TUBA3E: variants seen among roughly 807,000 people sequenced by gnomAD.
The protein encoded by TUBA3E is tubulin alpha-3E chain.
In TUBA3E, 21 loss-of-function variants were observed where a neutral mutation model predicts 36.7. That is an observed-to-expected ratio of 0.57 (90% CI 0.41 to 0.83). The LOEUF is 0.83. Among genes scored for constraint, TUBA3E ranks in the 40% least tolerant of loss-of-function variants. TUBA3E has a pLI of 0.00. For synonymous variants in TUBA3E, 177 were observed against 241.9 expected, an observed-to-expected ratio of 0.73 and a Z score of 2.49; for missense variants, 469 against 604.2, an observed-to-expected ratio of 0.78 and a Z score of 2.35.
At chr2:130,196,059 A>T in intron 2 of TUBA3E, 90 bp downstream of exon 2, 3 of 1,326,788 alleles carry the variant, frequency 2.3e-6, no homozygotes, top group Non-Finnish European at 3.1e-6. Context: ...CCATCCTTTC[A>T]GCAGGAGGAT....
intron 2 of TUBA3E, 34 bp downstream of exon 2, chr2:130,196,115 C>T (rs542213001): frequency 6.3e-7 from 1 of 1,576,504 alleles, no homozygotes; most frequent in South Asian, 1.2e-5. Flanking sequence ...CCCACCCTCT[C>T]AGGAAAGCTG....
At position 130,193,256 on chromosome 2, in the gene TUBA3E, T is replaced by A. The variant is rs903846430; in HGVS notation, c.1056+530A>T. Among the ~76,000 whole-genome samples, 8 of 150,520 alleles carry A rather than the reference T, an allele frequency of 5.3e-5. No homozygotes were observed. In the East Asian group the frequency reaches 5.9e-4, roughly 11 times the overall value. ...CAAAGCGAGACCCTGTCTCAAAAAA[T>A]AAATAAATAAATAAAGCTCACCACA... On this transcript the variant is annotated intron_variant, in intron 4 of 4. Coordinates refer to ENST00000312988, the MANE Select transcript of TUBA3E (RefSeq NM_207312.3).
intron 1 of TUBA3E, 44 bp downstream of exon 1, chr2:130,198,314 C>T (rs1690462337): frequency 1.5e-6 from 2 of 1,352,192 alleles, no homozygotes; most frequent in Non-Finnish European, 1.0e-6. Context: ...AGGCCAACTT[C>T]GTCTGCCTGG....
rs1690329138 is a variant in TUBA3E at position 130,193,777 on chromosome 2, C to G, written c.1056+9G>C. On this transcript the variant is annotated intron_variant, in intron 4 of 4. Coordinates refer to ENST00000312988, the MANE Select transcript of TUBA3E (RefSeq NM_207312.3). ...CTTGCTGAAAGGCCTCCATGTCACC[C>G]AGTCATACCTTAAATCCAGTCGGGC... 1 of 1,594,216 alleles carries G rather than the reference C, an allele frequency of 6.3e-7. No homozygotes were observed. The highest frequency in any genetic ancestry group is 1.3e-5 in the African/African-American group (1 of 74,728).
rs368062201 is a variant in TUBA3E, at chr2:130,194,325, G to T, written c.517C>A (p.Pro173Thr). The T allele has an allele frequency of 8.3e-5, 134 of 1,612,952 alleles. No individual in the cohort carries two copies. The African/African-American group carries it at 1.4e-3, about 17-fold the overall frequency. ...ACGGCTGTGGAGACCTGGGGGGCTG[G>T]GTAAATGGCAAACTCTAGCTTGGAC... ...KKSKLEFAIY[P>T]APQVSTAVVE... Residue 173 changes from proline to threonine, a missense_variant, in exon 4 of 5, where the codon CCA (proline) becomes ACA (threonine). Pro to Thr is a conservative substitution (Grantham distance 38). This residue lies in a region of TUBA3E where 169 missense variants were observed against 239.0 expected (regional missense o/e 0.71). Coordinates refer to ENST00000312988, the MANE Select transcript of TUBA3E (RefSeq NM_207312.3).
chr2:130,195,027 G>C, intron 3 of TUBA3E, 52 bp downstream of exon 3: 1 of 1,601,362 alleles, frequency 6.2e-7, no homozygotes, highest in Non-Finnish European at 8.5e-7. Flanking sequence ...CACATTCCAA[G>C]AACTACCCCT....
At chr2:130,196,621 T>C (rs951024591) in intron 1 of TUBA3E, among the ~76,000 whole-genome samples, 5 of 152,224 alleles carry the variant, frequency 3.3e-5, no homozygotes, top group Non-Finnish European at 5.9e-5. Context: ...ACTTAGGTTA[T>C]TTTAAAACTT....
Position 130,194,973 on chromosome 2 carries a change from C to T in TUBA3E, c.375+106G>A, listed in dbSNP as rs866424776. On this transcript the variant is annotated intron_variant, in intron 3 of 4. Transcript: ENST00000312988. ...GATTACACGTGTGAGCCACCGCGCCCGGCCAAGATGCTGGTCTAAGTGTTG... is the reference window on the plus strand; with the variant it reads ...GATTACACGTGTGAGCCACCGCGCCTGGCCAAGATGCTGGTCTAAGTGTTG... The T allele has an allele frequency of 1.2e-4, 192 of 1,550,808 alleles. 1 individual carries two copies. In the Middle Eastern group the frequency reaches 3.1e-3, roughly 25 times the overall value.
chr2:130,196,578 A>C (rs1056345387), intron 1 of TUBA3E, among the ~76,000 whole-genome samples: 1 of 152,260 alleles, frequency 6.6e-6, no homozygotes, highest in African/African-American at 2.4e-5. Flanking sequence ...AAGTTCTAGA[A>C]GTAGCCCTAG....
In TUBA3E at chr2:130,193,888, C is replaced by T. The variant is rs1395884095; in HGVS notation, c.954G>A (p.Leu318=). The change falls in exon 4 of 5, where the codon TTG becomes TTA. Residue 318 remains leucine, a synonymous_variant. Transcript: ENST00000312988. The part of the protein sequence containing the change: ...RHGKYMACCM[L]YRGDVVPKDV... ...CTTTGGGGACCACGTCCCCCCTGTA[C>T]AACATGCAGCAGGCCATGTACTTGC... 1 of 1,614,238 alleles carries T rather than the reference C, an allele frequency of 6.2e-7. No individual in the cohort carries two copies. The highest frequency in any genetic ancestry group is 1.3e-5 in the African/African-American group (1 of 75,074).
In TUBA3E at chr2:130,195,228, C is replaced by T. The variant is rs771795997; in HGVS notation, c.227-1G>A. Reference sequence around the variant, plus strand: ...CTGTAGGTCCCTGTGCGCACTTCATCTGCAAAAGAGACAGTGTGTACTGTG... The same window carrying T: ...CTGTAGGTCCCTGTGCGCACTTCATTTGCAAAAGAGACAGTGTGTACTGTG... On this transcript the variant is annotated splice_acceptor_variant, in intron 2 of 4. Coordinates refer to ENST00000312988, the MANE Select transcript of TUBA3E (RefSeq NM_207312.3). LOFTEE classifies it high-confidence loss of function. 1.4e-5 allele frequency: 22 copies of T among 1,613,680 alleles called. No individual in the cohort carries two copies. Among genetic ancestry groups the T allele is most frequent in the Non-Finnish European group, 1.8e-5 (21 of 1,179,826 alleles).
chr2:130,193,362 A>G (rs1252765419), intron 4 of TUBA3E, among the ~76,000 whole-genome samples: 1 of 151,770 alleles, frequency 6.6e-6, no homozygotes, highest in Non-Finnish European at 1.5e-5. Flanking sequence ...TAATCCCAGC[A>G]CTTTGGGAGG....
chr2:130,193,223 C>T (rs1050224163), intron 4 of TUBA3E, among the ~76,000 whole-genome samples: 43 of 151,828 alleles, frequency 2.8e-4, no homozygotes, highest in African/African-American at 1.0e-3. Flanking sequence ...CTACTACAGC[C>T]TGAGAGACAA....
intron 4 of TUBA3E, among the ~76,000 whole-genome samples, 170 bp from the exon 5 acceptor site, chr2:130,192,297 C>T (rs2599739): frequency 1.3e-5 from 2 of 152,156 alleles, no homozygotes; most frequent in South Asian, 2.1e-4. Flanking sequence ...TAGTTCCAGA[C>T]GAGGAATAGA....
At chr2:130,192,156 G>A (rs2695516) in intron 4 of TUBA3E, 29 bp from the exon 5 acceptor site, 30 of 1,581,240 alleles carry the variant, frequency 1.9e-5, no homozygotes, top group African/African-American at 2.7e-5. Flanking sequence ...AAAGCAGTCC[G>A]TGAAGCTTAT....
rs767217190 is a variant in TUBA3E at position 130,193,943 on chromosome 2, T to C, written c.899A>G (p.Asn300Ser). Residue 300 changes from asparagine (N) to serine (S), a missense_variant, in exon 4 of 5, where the codon AAT (asparagine) becomes AGT (serine). Coordinates refer to ENST00000312988, the MANE Select transcript of TUBA3E (RefSeq NM_207312.3). Reference sequence around the variant, plus strand: ...GCGAGGGTCACACTTGACCATCTGATTGGCTGGCTCGAAGCAGGCATTGGT... The same window carrying C: ...GCGAGGGTCACACTTGACCATCTGACTGGCTGGCTCGAAGCAGGCATTGGT... ...EITNACFEPANQMVKCDPRHG... is the reference protein window; with the variant it reads ...EITNACFEPASQMVKCDPRHG... 18 of 1,614,112 alleles carry C rather than the reference T, an allele frequency of 1.1e-5. 1 individual carries two copies. The highest frequency in any genetic ancestry group is 1.6e-4 in the Middle Eastern group (1 of 6,084).
In TUBA3E at chr2:130,198,351, G is replaced by A. The variant is rs529562319; in HGVS notation, c.3+7C>T. ...CATCTGCGGGGCGGGAGTGACCCGG[G>A]TCTTACCATGGCGAACTCCGCTGCT... On this transcript the variant is annotated splice_region_variant and intron_variant, in intron 1 of 4. Transcript: ENST00000312988. 7.4e-7 allele frequency: 1 copy of A among 1,353,726 alleles called. No individual in the cohort carries two copies. Among genetic ancestry groups the A allele is most frequent in the African/African-American group, 1.5e-5 (1 of 64,656 alleles). 83.9% of individuals were successfully genotyped at this position (1,353,726 alleles called of 1,614,324 possible).
rs1289381482 is a variant in TUBA3E, at chr2:130,198,072, C to T, written c.3+286G>A. ...CGTGTGAAGCGGGAGCAGCGCCCTCCTGTCTTCAGGAGGCGACGCCACTAT... is the reference window on the plus strand; with the variant it reads ...CGTGTGAAGCGGGAGCAGCGCCCTCTTGTCTTCAGGAGGCGACGCCACTAT... On this transcript the variant is annotated intron_variant, in intron 1 of 4. Coordinates refer to ENST00000312988, the MANE Select transcript of TUBA3E (RefSeq NM_207312.3). Among the ~76,000 whole-genome samples the T allele has an allele frequency of 1.6e-5, 2 of 123,368 alleles. 1 individual carries two copies. The allele number at this position is 123,368 out of a possible 152,430, so 80.9% of individuals were successfully genotyped here. A position where few individuals can be genotyped will look rare whatever the true frequency, so the allele number is the denominator to read the frequency against.
In TUBA3E at chr2:130,196,290, C is replaced by A; in HGVS notation, c.85G>T (p.Gly29Ter). The part of the protein sequence containing the change: ...ACWELYCLEH[G>*]IQPDGQMPSD... ...GGCATTTGACCATCGGGCTGAATTC[C>A]ATGTTCAAGGCAGTACAGTTCCCAG... Residue 29 changes from glycine (G) to a stop codon, truncating the protein, a stop_gained, in exon 2 of 5, where the codon GGA becomes TGA. Coordinates refer to ENST00000312988, the MANE Select transcript of TUBA3E (RefSeq NM_207312.3). LOFTEE classifies it high-confidence loss of function. 6.2e-7 allele frequency: 1 copy of A among 1,614,098 alleles called. No individual in the cohort carries two copies.
Sources: allele counts gnomAD v4.1 joint callset (sites outside exome capture counted in the v4.1 genomes callset), GRCh38; gene constraint gnomAD v4.1.1; regional missense constraint gnomAD v4.1.1; transcripts MANE v1.5; gene names NCBI Gene and HGNC (gene_info 2026-07-23, HGNC 2026-07-21).